The following ANKS6 variants were observed in gnomAD, a reference collection of about 807,000 sequenced individuals.
ANKS6 encodes ankyrin repeat and sterile alpha motif domain containing 6.
Under a neutral mutation model 77.9 loss-of-function variants are expected in ANKS6, and 47 were observed. The ratio of observed to expected loss-of-function variants is 0.60; its 90% CI spans 0.48 to 0.77. The LOEUF is 0.77. ANKS6 is among the 30% of genes least tolerant of loss of function. ANKS6 has a pLI of 0.00. For missense variants in ANKS6, 1,150 were observed against 1,159.1 expected (o/e 0.99, Z 0.11); for synonymous variants, 488 against 501.7 (o/e 0.97, Z 0.37).
rs1195063219 is a variant in ANKS6, at chr9:98,756,643, G to A, written c.2143-40C>T. 6 of 1,430,864 alleles carry A rather than the reference G, an allele frequency of 4.2e-6. No homozygotes were observed. The African/African-American group carries it at 7.4e-5, about 18-fold the overall frequency. 88.6% of individuals were successfully genotyped at this position (1,430,864 alleles called of 1,614,324 possible). A position where few individuals can be genotyped will look rare whatever the true frequency, so the allele number is the denominator to read the frequency against. On this transcript the variant is annotated intron_variant, in intron 11 of 14. Transcript: ENST00000353234. ...AAGACAAATACATAAGCCATCACCT[G>A]TAGGGTAGAAATGAGGAAAACAAGA...
chr9:98,796,519 G>T lies in ANKS6; in HGVS notation c.-28C>A, dbSNP rs903573961. 29 of 981,464 alleles carry T rather than the reference G, an allele frequency of 3.0e-5. No homozygotes were observed. The highest frequency in any genetic ancestry group is 1.0e-3 in the Middle Eastern group (2 of 1,922). 60.8% of individuals were successfully genotyped at this position (981,464 alleles called of 1,614,324 possible). A position where few individuals can be genotyped will look rare whatever the true frequency, so the allele number is the denominator to read the frequency against. ...CCGCCGCCACGCGCGGCCCGCTCCC[G>T]TCCGCCCCGCCGGCCGCGTCGGCTC... On this transcript the variant is annotated 5_prime_UTR_variant, in exon 1 of 15. Coordinates refer to ENST00000353234, the MANE Select transcript of ANKS6 (RefSeq NM_173551.5).
At chr9:98,793,671 C>A (rs1425738163) in intron 1 of ANKS6, among the ~76,000 whole-genome samples, 1 of 151,704 alleles carries the variant, frequency 6.6e-6, no homozygotes, top group Non-Finnish European at 1.5e-5. Flanking sequence ...CAGGTGCGTG[C>A]CACCATGCCC....
intron 14 of ANKS6, 73 bp downstream of exon 14, chr9:98,745,486 C>T: frequency 7.0e-7 from 1 of 1,428,724 alleles, no homozygotes; most frequent in South Asian, 1.2e-5. Context: ...GTAAGACCTT[C>T]CCAAGATCCC....
At chr9:98,772,188 G>A (rs1828028410) in intron 9 of ANKS6, among the ~76,000 whole-genome samples, 1 of 152,200 alleles carries the variant, frequency 6.6e-6, no homozygotes, top group South Asian at 2.1e-4. Flanking sequence ...ATTTTGAGAG[G>A]AGGAGCTTAT....
chr9:98,781,334 C>T (rs985391818), intron 5 of ANKS6, among the ~76,000 whole-genome samples: 12 of 152,108 alleles, frequency 7.9e-5, no homozygotes, highest in East Asian at 1.9e-4. Flanking sequence ...AGGGAATAAA[C>T]GGCAGTGGAG....
At chr9:98,773,745 A>G (rs1833762309) in intron 9 of ANKS6, 132 bp downstream of exon 9, 2 of 666,342 alleles carry the variant, frequency 3.0e-6, no homozygotes, top group Admixed American at 7.7e-5. Context: ...ACAAAAGGAT[A>G]TCATCCATTC....
chr9:98,771,490 C>T (rs1833624874), intron 9 of ANKS6, among the ~76,000 whole-genome samples: 1 of 152,166 alleles, frequency 6.6e-6, no homozygotes, highest in Non-Finnish European at 1.5e-5. Context: ...TGGATCTTCT[C>T]CTCCCCACAT....
At chr9:98,779,155 G>C (rs1834087124) in intron 6 of ANKS6, among the ~76,000 whole-genome samples, 1 of 152,224 alleles carries the variant, frequency 6.6e-6, no homozygotes, top group Non-Finnish European at 1.5e-5. Flanking sequence ...ATGCAGACTG[G>C]GGAGGTCAGC....
At position 98,733,795 on chromosome 9, in the gene ANKS6, C is replaced by A. The variant is rs1263247017; in HGVS notation, c.*2724G>T. On this transcript the variant is annotated 3_prime_UTR_variant, in exon 15 of 15. Transcript: ENST00000353234. ...TTTAGTGTCTGCCAAACCTACTCAA[C>A]CAGGGAACCTCACCCCACTTTCACA... The A allele has an allele frequency of 3.0e-6, 3 of 985,482 alleles. No homozygotes were observed. In the East Asian group the frequency reaches 3.4e-4, roughly 112 times the overall value. The allele number at this position is 985,482 out of a possible 1,614,324, so 61.0% of individuals were successfully genotyped here.
At chr9:98,752,862 T>G (rs1416187105) in intron 12 of ANKS6, among the ~76,000 whole-genome samples, 1 of 152,178 alleles carries the variant, frequency 6.6e-6, no homozygotes, top group Non-Finnish European at 1.5e-5. Flanking sequence ...AGAGAACAGC[T>G]GACCCAGCCC....
At chr9:98,775,019 A>G (rs1833851480) in intron 8 of ANKS6, among the ~76,000 whole-genome samples, 1 of 152,226 alleles carries the variant, frequency 6.6e-6, no homozygotes, top group Admixed American at 6.5e-5. Flanking sequence ...CAGTTGGGGA[A>G]GTAGTACACC....
intron 10 of ANKS6, among the ~76,000 whole-genome samples, chr9:98,768,982 C>T (rs910248429): frequency 6.6e-6 from 1 of 152,048 alleles, no homozygotes; most frequent in Non-Finnish European, 1.5e-5. Flanking sequence ...AAAAAATTAG[C>T]TGGGTGTGGT....
intron 8 of ANKS6, among the ~76,000 whole-genome samples, chr9:98,775,609 A>G (rs905891342): frequency 2.0e-5 from 3 of 147,648 alleles, no homozygotes; most frequent in African/African-American, 7.5e-5. Flanking sequence ...TACTTAGTAA[A>G]AGCTATGGTA....
At position 98,796,292 on chromosome 9, in the gene ANKS6, G is replaced by A. The variant is rs1362427270; in HGVS notation, c.200C>T (p.Ala67Val). Residue 67 changes from alanine (A) to valine (V), a missense_variant, in exon 1 of 15, where the codon GCT (alanine) becomes GTT (valine). By Grantham distance (64) the Ala-to-Val change is moderately conservative. Coordinates refer to ENST00000353234, the MANE Select transcript of ANKS6 (RefSeq NM_173551.5). ...GTCCGAGCAATCCACGGGCACCGGAGCCCCGACTGCCCCCGCCGCTGCGGC... is the reference window on the plus strand; with the variant it reads ...GTCCGAGCAATCCACGGGCACCGGAACCCCGACTGCCCCCGCCGCTGCGGC... Reference protein sequence around the residue: ...PGAAAAGAVGAPVPVDCSDEA... With the variant: ...PGAAAAGAVGVPVPVDCSDEA... 4 of 1,278,420 alleles carry A rather than the reference G, an allele frequency of 3.1e-6. No homozygotes were observed. The highest frequency in any genetic ancestry group is 4.0e-6 in the Non-Finnish European group (4 of 1,010,986). The allele number at this position is 1,278,420 out of a possible 1,614,324, so 79.2% of individuals were successfully genotyped here.
chr9:98,741,653 G>T lies in ANKS6; in HGVS notation c.2511+3906C>A, dbSNP rs187061229. On this transcript the variant is annotated intron_variant, in intron 14 of 14. Coordinates refer to ENST00000353234, the MANE Select transcript of ANKS6 (RefSeq NM_173551.5). Reference sequence around the variant, plus strand: ...TAGGACCAACTAACTCCTCATTTCTGGTAAACCTCCAATATATAACTCATC... The same window carrying T: ...TAGGACCAACTAACTCCTCATTTCTTGTAAACCTCCAATATATAACTCATC... Among the ~76,000 whole-genome samples, 4 of 152,322 alleles carry T rather than the reference G, an allele frequency of 2.6e-5. No homozygotes were observed. The East Asian group carries it at 7.7e-4, about 29-fold the overall frequency.
At chr9:98,794,999 A>G (rs2118207743) in intron 1 of ANKS6, among the ~76,000 whole-genome samples, 1 of 152,260 alleles carries the variant, frequency 6.6e-6, no homozygotes, top group South Asian at 2.1e-4. Flanking sequence ...GGTGTGATGG[A>G]TGCTACCACA....
intron 3 of ANKS6, chr9:98,784,453 G>T: frequency 2.5e-6 from 1 of 407,086 alleles, no homozygotes; most frequent in Non-Finnish European, 4.4e-6. Flanking sequence ...GGAGAGTTCA[G>T]GTCTCGCTGC....
At chr9:98,786,486 T>G (rs1191773776) in intron 2 of ANKS6, among the ~76,000 whole-genome samples, 3 of 151,860 alleles carry the variant, frequency 2.0e-5, no homozygotes, top group Admixed American at 6.6e-5. Context: ...GAGATGGGGT[T>G]TCACCATCTT....
At position 98,759,241 on chromosome 9, in the gene ANKS6, G is replaced by A. The variant is rs117771542; in HGVS notation, c.2143-2638C>T. Reference sequence around the variant, plus strand: ...CCTAATCCCAAGCCATAAAAACAGCGCTCTATGTTCCATCCTGTGACTAGA... The same window carrying A: ...CCTAATCCCAAGCCATAAAAACAGCACTCTATGTTCCATCCTGTGACTAGA... On this transcript the variant is annotated intron_variant, in intron 11 of 14. Transcript: ENST00000353234. 8.5e-4 allele frequency among the ~76,000 whole-genome samples: 130 copies of A among 152,066 alleles called. 2 individuals are homozygous for A. In the East Asian group the frequency reaches 0.017, roughly 20 times the overall value.
Sources: gnomAD v4.1 joint callset for allele counts (sites outside exome capture counted in the v4.1 genomes callset) on GRCh38, gnomAD v4.1.1 for gene constraint, MANE v1.5 for transcripts, NCBI Gene and HGNC (gene_info 2026-07-23, HGNC 2026-07-21) for gene names.